CCDC73: variants seen among roughly 807,000 people sequenced by gnomAD.
CCDC73 encodes coiled-coil domain-containing protein 73.
CCDC73 carries 95 observed loss-of-function variants against 116.5 expected under a neutral mutation model. The ratio of observed to expected loss-of-function variants is 0.82; its 90% CI spans 0.69 to 0.97. The LOEUF is 0.97. CCDC73 is among the 50% of genes least tolerant of loss of function. The pLI, the probability that CCDC73 is intolerant of heterozygous loss-of-function variation, is 0.00. For missense variants in CCDC73, 1,066 were observed against 1,206.8 expected, an observed-to-expected ratio of 0.88 and a Z score of 1.73; for synonymous variants, 398 against 401.3, an observed-to-expected ratio of 0.99 and a Z score of 0.10.
At chr11:32,738,649 T>C (rs889567418) in intron 2 of CCDC73, among the ~76,000 whole-genome samples, 4 of 152,154 alleles carry the variant, frequency 2.6e-5, no homozygotes, top group Admixed American at 2.6e-4. Flanking sequence ...GTTCTGTGAG[T>C]TTTCTCTTCA....
chr11:32,772,761 T>G (rs886282263), intron 1 of CCDC73, among the ~76,000 whole-genome samples: 3 of 152,176 alleles, frequency 2.0e-5, no homozygotes, highest in African/African-American at 7.2e-5. Context: ...CTATTGAAGT[T>G]TGAAAATAGA....
intron 5 of CCDC73, among the ~76,000 whole-genome samples, chr11:32,699,736 G>C (rs919432208): frequency 1.3e-5 from 2 of 152,006 alleles, no homozygotes; most frequent in Admixed American, 6.6e-5. Flanking sequence ...GTTGTGGGGT[G>C]GGGGGAGCGG....
At chr11:32,715,704 T>C (rs1849938969) in intron 3 of CCDC73, among the ~76,000 whole-genome samples, 1 of 152,190 alleles carries the variant, frequency 6.6e-6, no homozygotes, top group East Asian at 1.9e-4. Flanking sequence ...GAACTGAGAA[T>C]ACCTGTGTCA....
intron 9 of CCDC73, among the ~76,000 whole-genome samples, chr11:32,660,830 A>C (rs1228616905): frequency 1.3e-5 from 2 of 152,188 alleles, no homozygotes; most frequent in Non-Finnish European, 2.9e-5. Context: ...CCGACTCAAA[A>C]AAAGAGAGAG....
chr11:32,824,956 G>A, the CCDC73 span, among the ~76,000 whole-genome samples: 14 of 152,092 alleles, frequency 9.2e-5, no homozygotes, highest in Non-Finnish European at 1.6e-4. Flanking sequence ...ATGATGGCAT[G>A]TGCCTGAGGT....
chr11:32,775,685 C>G (rs1018794379), intron 1 of CCDC73, among the ~76,000 whole-genome samples: 1 of 152,096 alleles, frequency 6.6e-6, no homozygotes, highest in African/African-American at 2.4e-5. Flanking sequence ...TTAGTGACCT[C>G]TGCTTCATTC....
chr11:32,615,905 C>A, intron 15 of CCDC73, 35 bp downstream of exon 15: 1 of 1,469,604 alleles, frequency 6.8e-7, no homozygotes, highest in South Asian at 1.3e-5. Flanking sequence ...TATCAACATA[C>A]AAATTAGAAA....
At chr11:32,737,053 C>G (rs1850137962) in intron 2 of CCDC73, among the ~76,000 whole-genome samples, 7 of 151,434 alleles carry the variant, frequency 4.6e-5, no homozygotes, top group African/African-American at 1.7e-4. Context: ...TCCCTAGTAG[C>G]TGCAACTCCA....
At chr11:32,701,838 C>T (rs1440261018) in intron 4 of CCDC73, among the ~76,000 whole-genome samples, 1 of 152,048 alleles carries the variant, frequency 6.6e-6, no homozygotes, top group East Asian at 1.9e-4. Flanking sequence ...TCCCTATTTC[C>T]TTTTTCACAC....
At chr11:32,745,723 TTTTG>T (rs147851409) in intron 2 of CCDC73, among the ~76,000 whole-genome samples, 25 of 142,792 alleles carry the variant, frequency 1.8e-4, no homozygotes, top group South Asian at 4.4e-4. Context: ...GTTTTTGTTT[TTTTG>T]TTTGTTTGTT....
intron 1 of CCDC73, among the ~76,000 whole-genome samples, chr11:32,779,566 T>C (rs2133395065): frequency 6.6e-6 from 1 of 152,314 alleles, no homozygotes; most frequent in South Asian, 2.1e-4. Context: ...TGGGGCTAAA[T>C]ACTTCCTTGT....
intron 2 of CCDC73, among the ~76,000 whole-genome samples, chr11:32,744,500 T>A (rs2133360557): frequency 6.6e-6 from 1 of 152,358 alleles, no homozygotes; most frequent in South Asian, 2.1e-4. Flanking sequence ...CTCCTCTTTG[T>A]ACCTCTGGTA....
intron 2 of CCDC73, among the ~76,000 whole-genome samples, chr11:32,729,291 T>C (rs564230947): frequency 6.6e-6 from 1 of 152,350 alleles, no homozygotes; most frequent in Non-Finnish European, 1.5e-5. Context: ...TGTTGCTGCA[T>C]TACTTTGCTG....
chr11:32,780,320 A>G (rs1337972085), intron 1 of CCDC73, among the ~76,000 whole-genome samples: 2 of 151,934 alleles, frequency 1.3e-5, no homozygotes, highest in Non-Finnish European at 2.9e-5. Flanking sequence ...ATATTTACCT[A>G]TAAAATTAGC....
intron 6 of CCDC73, among the ~76,000 whole-genome samples, chr11:32,693,788 A>G (rs1590597979): frequency 1.3e-5 from 2 of 152,272 alleles, no homozygotes; most frequent in African/African-American, 4.8e-5. Flanking sequence ...GTAATCCATC[A>G]CATAAACAGA....
At chr11:32,807,065 G>C in the CCDC73 span, among the ~76,000 whole-genome samples, 2 of 152,314 alleles carry the variant, frequency 1.3e-5, no homozygotes, top group South Asian at 2.1e-4. Flanking sequence ...TGGGTAGAAA[G>C]AGCAGGGAGG....
At position 32,778,687 on chromosome 11, in the gene CCDC73, C is replaced by A. The variant is rs536433123; in HGVS notation, c.-16+15926G>T. 3.8e-4 allele frequency among the ~76,000 whole-genome samples: 58 copies of A among 152,176 alleles called. 1 individual carries two copies. The South Asian group carries it at 7.5e-3, about 20-fold the overall frequency. On this transcript the variant is annotated intron_variant, in intron 1 of 17. Transcript: ENST00000335185. ...ATGGGCCAGACATGGTGGCAGGCGC[C>A]TGTAATCCCAGCTACTTAGGAGGCT...
intron 3 of CCDC73, among the ~76,000 whole-genome samples, chr11:32,711,508 G>A (rs532160928): frequency 1.9e-3 from 277 of 149,222 alleles, no homozygotes; most frequent in Non-Finnish European, 3.2e-3. Context: ...GATGAAATTG[G>A]AGACTTTATG....
At chr11:32,696,141 C>A (rs1318337714) in intron 6 of CCDC73, among the ~76,000 whole-genome samples, 3 of 152,076 alleles carry the variant, frequency 2.0e-5, no homozygotes, top group African/African-American at 7.2e-5. Flanking sequence ...TTATCAACCT[C>A]AACTTCTTGC....
Sources: gnomAD v4.1 joint callset for allele counts (sites outside exome capture counted in the v4.1 genomes callset) on GRCh38, gnomAD v4.1.1 for gene constraint, MANE v1.5 for transcripts, NCBI Gene and HGNC (gene_info 2026-07-23, HGNC 2026-07-21) for gene names.